ARL15: variants seen among roughly 807,000 people sequenced by gnomAD.
The protein encoded by ARL15 is ARF like GTPase 15.
A neutral mutation model predicts 25.2 loss-of-function variants in ARL15; 19 were observed. The observed-to-expected ratio is 0.75, with a 90% CI of 0.53 to 1.10. ARL15 has a LOEUF of 1.10. ARL15 is among the 50% of genes least tolerant of loss of function. ARL15 has a pLI of 0.00. For synonymous variants in ARL15, 94 were observed against 86.8 expected, an observed-to-expected ratio of 1.08 and a Z score of -0.46; for missense variants, 220 against 246.0, an observed-to-expected ratio of 0.89 and a Z score of 0.71.
intron 1 of ARL15, among the ~76,000 whole-genome samples, chr5:54,193,119 T>G (rs1156392260): frequency 6.6e-6 from 1 of 152,222 alleles, no homozygotes; most frequent in Non-Finnish European, 1.5e-5. Context: ...TCTATCTAGA[T>G]CTCCCTTAAG....
intron 4 of ARL15, among the ~76,000 whole-genome samples, chr5:54,018,454 T>C (rs1284818187): frequency 3.3e-5 from 5 of 152,196 alleles, no homozygotes; most frequent in Non-Finnish European, 7.3e-5. Flanking sequence ...CTTAAGCCAT[T>C]ACTTTTTTCT....
At chr5:54,080,699 CA>C (rs1561216211) in intron 4 of ARL15, among the ~76,000 whole-genome samples, 1 of 151,862 alleles carries the variant, frequency 6.6e-6, no homozygotes, top group South Asian at 2.1e-4. Context: ...ACAGGGAGTA[CA>C]AAAAAACCCT....
At chr5:54,005,554 A>G (rs1749001398) in intron 4 of ARL15, among the ~76,000 whole-genome samples, 1 of 150,608 alleles carries the variant, frequency 6.6e-6, no homozygotes, top group African/African-American at 2.4e-5. Context: ...ACGTGGTGAA[A>G]CTCCGTCTCT....
chr5:54,271,284 T>C (rs893120274), intron 1 of ARL15, among the ~76,000 whole-genome samples: 3 of 152,180 alleles, frequency 2.0e-5, no homozygotes, highest in African/African-American at 7.2e-5. Context: ...AGTTGTACAG[T>C]TGTCCCTCAG....
At chr5:54,163,695 T>C (rs923056038) in intron 2 of ARL15, among the ~76,000 whole-genome samples, 35 of 151,974 alleles carry the variant, frequency 2.3e-4, no homozygotes, top group African/African-American at 8.5e-4. Context: ...TGGCATAAGG[T>C]TGTTCATGAT....
At chr5:54,059,845 C>T (rs1261118378) in intron 4 of ARL15, among the ~76,000 whole-genome samples, 2 of 152,016 alleles carry the variant, frequency 1.3e-5, no homozygotes, top group African/African-American at 4.8e-5. Context: ...AACATTAATG[C>T]TTGTATTTCA....
intron 1 of ARL15, among the ~76,000 whole-genome samples, chr5:54,217,776 T>G (rs1337377773): frequency 6.6e-6 from 1 of 152,170 alleles, no homozygotes; most frequent in Non-Finnish European, 1.5e-5. Flanking sequence ...ATAATCATTA[T>G]TGTTAACCAT....
rs187766740 is a variant in ARL15 at position 54,106,161 on chromosome 5, C to T, written c.462+7041G>A. On this transcript the variant is annotated intron_variant, in intron 4 of 4. Coordinates refer to ENST00000504924, the MANE Select transcript of ARL15 (RefSeq NM_019087.3). ...ACATAAAATCAAACATTTGTAAATA[C>T]GATAATTAACAAGTTGAATCTTTTT... Among the ~76,000 whole-genome samples the T allele has an allele frequency of 1.7e-4, 26 of 152,134 alleles. 1 individual carries two copies. The South Asian group carries it at 4.0e-3, about 23-fold the overall frequency.
chr5:53,955,130 T>A (rs965037591), intron 4 of ARL15, among the ~76,000 whole-genome samples: 1 of 150,322 alleles, frequency 6.7e-6, no homozygotes, highest in Admixed American at 6.7e-5. Context: ...AACCTGCCCC[T>A]CCACCTAAGG....
chr5:53,907,145 G>T (rs1745271427), intron 4 of ARL15, among the ~76,000 whole-genome samples: 1 of 151,812 alleles, frequency 6.6e-6, no homozygotes, highest in African/African-American at 2.4e-5. Flanking sequence ...CCTAGCAGGG[G>T]ACTTACTTTT....
At position 54,233,709 on chromosome 5, in the gene ARL15, T is replaced by G. The variant is rs72754233; in HGVS notation, c.49-61781A>C. Among the ~76,000 whole-genome samples, 1,485 of 152,340 alleles carry G rather than the reference T, an allele frequency of 9.7e-3. 9 individuals carry two copies. The highest frequency in any genetic ancestry group is 0.02 in the Middle Eastern group (6 of 294). On this transcript the variant is annotated intron_variant, in intron 1 of 4. Transcript: ENST00000504924. ...AGCCCCTAAGGAACTACCATTTGAT[T>G]GTTTAGATATAGAATCACAGAAGAC...
intron 4 of ARL15, among the ~76,000 whole-genome samples, chr5:53,939,630 G>C (rs760275225): frequency 3.9e-5 from 6 of 151,994 alleles, no homozygotes; most frequent in Non-Finnish European, 8.8e-5. Context: ...ACCTACTCTG[G>C]AGGTTGAGGC....
intron 3 of ARL15, among the ~76,000 whole-genome samples, chr5:54,116,977 G>A (rs1752918999): frequency 6.6e-6 from 1 of 152,136 alleles, no homozygotes; most frequent in Non-Finnish European, 1.5e-5. Context: ...TACATTAATG[G>A]AAATATGTCC....
chr5:54,108,319 C>T (rs778802165), intron 4 of ARL15, among the ~76,000 whole-genome samples: 1 of 152,068 alleles, frequency 6.6e-6, no homozygotes, highest in Admixed American at 6.6e-5. Flanking sequence ...ATCTCTCATA[C>T]CATTTTAGAA....
intron 1 of ARL15, among the ~76,000 whole-genome samples, chr5:54,300,839 C>A (rs2112711723): frequency 6.6e-6 from 1 of 152,324 alleles, no homozygotes; most frequent in Middle Eastern, 3.4e-3. Flanking sequence ...GCAGACAGAT[C>A]TGACCATGTC....
chr5:54,180,290 T>C (rs550009820), intron 1 of ARL15, among the ~76,000 whole-genome samples: 2 of 152,170 alleles, frequency 1.3e-5, no homozygotes, highest in Non-Finnish European at 2.9e-5. Context: ...AGGTCTATAA[T>C]GAGCATGCGA....
intron 4 of ARL15, among the ~76,000 whole-genome samples, chr5:53,974,912 T>A (rs1388858676): frequency 6.6e-6 from 1 of 152,128 alleles, no homozygotes; most frequent in Non-Finnish European, 1.5e-5. Flanking sequence ...TTTCTGTCTG[T>A]GAGGTGGTAA....
intron 4 of ARL15, among the ~76,000 whole-genome samples, chr5:54,000,942 C>A (rs1455138013): frequency 1.3e-5 from 2 of 152,164 alleles, no homozygotes; most frequent in Non-Finnish European, 2.9e-5. Flanking sequence ...GGCCCAGGCT[C>A]AGAAGGGCTC....
intron 4 of ARL15, among the ~76,000 whole-genome samples, chr5:54,010,754 G>C (rs956930330): frequency 9.9e-5 from 15 of 152,156 alleles, no homozygotes; most frequent in African/African-American, 3.6e-4. Flanking sequence ...GCTCACGCTT[G>C]TAATCCCAGC....
Sources: gnomAD v4.1 joint callset for allele counts (sites outside exome capture counted in the v4.1 genomes callset) on GRCh38, gnomAD v4.1.1 for gene constraint, MANE v1.5 for transcripts, NCBI Gene and HGNC (gene_info 2026-07-23, HGNC 2026-07-21) for gene names.